RBFOX3: variants seen among roughly 807,000 people sequenced by gnomAD.
RBFOX3 encodes RNA binding protein fox-1 homolog 3.
A neutral mutation model predicts 48.7 loss-of-function variants in RBFOX3; 17 were observed. The ratio of observed to expected loss-of-function variants is 0.35; its 90% confidence interval spans 0.24 to 0.52. RBFOX3 has a LOEUF of 0.52. Ranked by LOEUF, RBFOX3 falls within the 20% of genes least tolerant of loss-of-function variation. The probability of loss-of-function intolerance (pLI) is 0.94; values close to 1 mark genes in which losing one functional copy is unlikely to be tolerated. For missense variants in RBFOX3, 382 were observed against 497.5 expected, an observed-to-expected ratio of 0.77 and a Z score of 2.21; for synonymous variants, 212 against 209.5, an observed-to-expected ratio of 1.01 and a Z score of -0.10.
At position 79,473,844 on chromosome 17, in the gene RBFOX3, A is replaced by T. The variant is rs1356596978; in HGVS notation, c.-175+8610T>A. 3.9e-5 allele frequency among the ~76,000 whole-genome samples: 6 copies of T among 152,116 alleles called. No homozygotes were observed. The highest frequency in any genetic ancestry group is 1.4e-4 in the African/African-American group (6 of 41,410). On this transcript the variant is annotated intron_variant, in intron 2 of 14. Coordinates refer to ENST00000693108, the MANE Select transcript of RBFOX3 (RefSeq NM_001350451.2). The surrounding 1 kb of genome is among the most constrained non-coding windows in gnomAD (Gnocchi z 4.2). Reference sequence around the variant, plus strand: ...CCTAAAAGCACACACACACACTCACACACACACACACGCAGAACTAAAGTT... The same window carrying T: ...CCTAAAAGCACACACACACACTCACTCACACACACACGCAGAACTAAAGTT...
intron 1 of RBFOX3, among the ~76,000 whole-genome samples, chr17:79,592,154 ATG>A (rs1349398685): frequency 4.9e-5 from 7 of 143,680 alleles, no homozygotes; most frequent in Non-Finnish European, 9.1e-5. Flanking sequence ...GCATGCATGC[ATG>A]TGTGTGTGTC....
At chr17:79,144,007 G>GT (rs2042483850) in intron 4 of RBFOX3, among the ~76,000 whole-genome samples, 1 of 152,222 alleles carries the variant, frequency 6.6e-6, no homozygotes, top group African/African-American at 2.4e-5. Flanking sequence ...TGCCTGGATG[G>GT]TAACAGGCCC....
chr17:79,627,420 G>A, the RBFOX3 span, among the ~76,000 whole-genome samples: 2,438 of 152,314 alleles, frequency 0.016, 55 homozygotes, highest in African/African-American at 0.054. Context: ...GAGGGCCTGG[G>A]AGCCGGGCTC....
chr17:79,348,370 T>G (rs2083260358), intron 2 of RBFOX3, among the ~76,000 whole-genome samples: 1 of 152,116 alleles, frequency 6.6e-6, no homozygotes, highest in Non-Finnish European at 1.5e-5. Flanking sequence ...CCCTTCACGC[T>G]TATTCTCCCA....
At chr17:79,268,045 C>A (rs2067013000) in intron 3 of RBFOX3, among the ~76,000 whole-genome samples, 1 of 152,220 alleles carries the variant, frequency 6.6e-6, no homozygotes, top group Non-Finnish European at 1.5e-5. Flanking sequence ...TCCCCTTCTC[C>A]AGGGAGTTTT....
intron 2 of RBFOX3, among the ~76,000 whole-genome samples, chr17:79,474,626 G>A (rs1598852817): frequency 2.6e-5 from 4 of 152,248 alleles, no homozygotes; most frequent in East Asian, 1.9e-4. Context: ...TCAGTGCAGC[G>A]TGTACCCAGG....
At chr17:79,587,831 G>A (rs988371167) in intron 1 of RBFOX3, among the ~76,000 whole-genome samples, 16 of 152,220 alleles carry the variant, frequency 1.1e-4, no homozygotes, top group South Asian at 2.1e-4. Context: ...ACGGGAGGAC[G>A]GAACATTTGA....
intron 3 of RBFOX3, among the ~76,000 whole-genome samples, chr17:79,306,570 G>A (rs1468122838): frequency 6.6e-6 from 1 of 152,204 alleles, no homozygotes; most frequent in Non-Finnish European, 1.5e-5. Context: ...GGGAGAGGAT[G>A]AGGGTGGGGT....
intron 2 of RBFOX3, among the ~76,000 whole-genome samples, chr17:79,360,907 T>A (rs1248468470): frequency 6.6e-6 from 1 of 151,790 alleles, no homozygotes; most frequent in East Asian, 1.9e-4. Flanking sequence ...TTAGTTGTGA[T>A]AAAATTGAGG....
chr17:79,465,689 C>T (rs871740), intron 2 of RBFOX3, among the ~76,000 whole-genome samples: 66,578 of 152,058 alleles, frequency 0.44, 14,778 homozygotes, highest in African/African-American at 0.48. Flanking sequence ...CAGCTTCTGG[C>T]CTGGAGGGCT....
intron 2 of RBFOX3, among the ~76,000 whole-genome samples, chr17:79,334,407 G>A (rs913393054): frequency 2.0e-5 from 3 of 152,164 alleles, no homozygotes; most frequent in Admixed American, 2.0e-4. Context: ...TTGGTGTCTC[G>A]GAACCTGTCC....
At position 79,362,185 on chromosome 17, in the gene RBFOX3, T is replaced by C. The variant is rs1418589113; in HGVS notation, c.-174-54361A>G. Reference sequence around the variant, plus strand: ...CGCTGAGCCAACAGAGTTTGCCTCCTGCCTCACACCGGGGTCTTTCAGCCT... The same window carrying C: ...CGCTGAGCCAACAGAGTTTGCCTCCCGCCTCACACCGGGGTCTTTCAGCCT... On this transcript the variant is annotated intron_variant, in intron 2 of 14. Transcript: ENST00000693108. The surrounding 1 kb of genome is among the most constrained non-coding windows in gnomAD (Gnocchi z 4.2). 6.6e-6 allele frequency among the ~76,000 whole-genome samples: 1 copy of C among 152,258 alleles called. No individual in the cohort carries two copies. Among genetic ancestry groups the C allele is most frequent in the Non-Finnish European group, 1.5e-5 (1 of 68,048 alleles).
In RBFOX3 at chr17:79,482,805, C is replaced by A. The variant is rs1341232007; in HGVS notation, c.-319-207G>T. Among the ~76,000 whole-genome samples the A allele has an allele frequency of 2.0e-5, 3 of 152,002 alleles. No individual in the cohort carries two copies. Among genetic ancestry groups the A allele is most frequent in the Non-Finnish European group, 2.9e-5 (2 of 67,984 alleles). The stretch of plus-strand genomic sequence containing the variant: ...CCCCAGGGGAGTAAAAGGAAACTTG[C>A]AGAAAACACATCATTAGGACCCTAT... On this transcript the variant is annotated intron_variant, in intron 1 of 14. Coordinates refer to ENST00000693108, the MANE Select transcript of RBFOX3 (RefSeq NM_001350451.2). The surrounding 1 kb of genome is among the most constrained non-coding windows in gnomAD (Gnocchi z 4.1).
Position 79,539,724 on chromosome 17 carries a change from G to A in RBFOX3, c.-319-57126C>T, listed in dbSNP as rs781957311. ...ACTTCTGTGTTGTAAGAACAAAGAA[G>A]CAAATATTTTTATAGCTCATGCAAC... On this transcript the variant is annotated intron_variant, in intron 1 of 14. Transcript: ENST00000693108. Among the ~76,000 whole-genome samples, 3 of 152,216 alleles carry A rather than the reference G, an allele frequency of 2.0e-5. No individual in the cohort carries two copies. The East Asian group carries it at 5.8e-4, about 29-fold the overall frequency.
intron 2 of RBFOX3, among the ~76,000 whole-genome samples, chr17:79,322,821 C>A (rs545827710): frequency 6.6e-6 from 1 of 152,296 alleles, no homozygotes; most frequent in South Asian, 2.1e-4. Flanking sequence ...AGCTGACCGG[C>A]AGCACTGGAG....
At chr17:79,349,080 T>C (rs144924557) in intron 2 of RBFOX3, among the ~76,000 whole-genome samples, 19 of 152,182 alleles carry the variant, frequency 1.2e-4, no homozygotes, top group Non-Finnish European at 2.4e-4. Flanking sequence ...GTCCAGTAAG[T>C]TCTGTCTCCA....
chr17:79,485,229 G>A lies in RBFOX3; in HGVS notation c.-319-2631C>T, dbSNP rs1442735189. Among the ~76,000 whole-genome samples the A allele has an allele frequency of 1.1e-3, 173 of 152,278 alleles. 1 individual carries two copies. The highest frequency in any genetic ancestry group is 4.0e-3 in the African/African-American group (167 of 41,562). On this transcript the variant is annotated intron_variant, in intron 1 of 14. Transcript: ENST00000693108. ...GGCGGATGGAGCCCTCCTTCCCAGA[G>A]CAGTCCTGGCAGGGGAGGCGCCCAC...
intron 4 of RBFOX3, among the ~76,000 whole-genome samples, chr17:79,190,414 C>CAAAAAAAA (rs71161650): frequency 4.3e-3 from 401 of 93,154 alleles, no homozygotes; most frequent in East Asian, 0.014. Context: ...TCTGTCTCAC[C>CAAAAAAAA]AAAAAAAAAA....
At chr17:79,280,170 CCACTCA>C (rs1462799083) in intron 3 of RBFOX3, among the ~76,000 whole-genome samples, 173 of 141,232 alleles carry the variant, frequency 1.2e-3, no homozygotes, top group Non-Finnish European at 2.0e-3. Context: ...CACGCACACA[CCACTCA>C]CACACACATG....
Sources: allele counts gnomAD v4.1 joint callset (sites outside exome capture counted in the v4.1 genomes callset), GRCh38; gene constraint gnomAD v4.1.1; non-coding constraint Gnocchi (gnomAD v3.1); transcripts MANE v1.5; gene names NCBI Gene and HGNC (gene_info 2026-07-23, HGNC 2026-07-21).